CEP128: variants seen among roughly 807,000 people sequenced by gnomAD.
The protein encoded by CEP128 is centrosomal protein 128kDa.
Under a neutral mutation model 156.7 loss-of-function variants are expected in CEP128, and 132 were observed. The ratio of observed to expected loss-of-function variants is 0.84; its 90% confidence interval spans 0.73 to 0.97. The LOEUF (loss-of-function observed/expected upper bound fraction) is 0.97, where lower values mean the gene tolerates loss of function less well. Among genes scored for constraint, CEP128 ranks in the 50% least tolerant of loss-of-function variants. The pLI is 0.00. For missense variants in CEP128, 1,252 were observed against 1,281.9 expected (o/e 0.98, Z 0.36); for synonymous variants, 469 against 448.9 (o/e 1.04, Z -0.57).
chr14:80,913,544 AT>A, intron 4 of CEP128, among the ~76,000 whole-genome samples: 1 of 152,212 alleles, frequency 6.6e-6, no homozygotes, highest in Non-Finnish European at 1.5e-5. Flanking sequence ...ATTGGAGGCC[AT>A]TATCCTAAGT....
chr14:80,897,846 C>T (rs886861903), intron 7 of CEP128, among the ~76,000 whole-genome samples: 4 of 152,130 alleles, frequency 2.6e-5, no homozygotes, highest in African/African-American at 4.8e-5. Context: ...TGGCTCATCT[C>T]AGCTCAATGC....
chr14:80,601,048 A>G (rs1162941131), intron 19 of CEP128, among the ~76,000 whole-genome samples: 1 of 152,120 alleles, frequency 6.6e-6, no homozygotes, highest in Non-Finnish European at 1.5e-5. Context: ...ATCCTAGGGC[A>G]ATCATTAAGA....
chr14:80,834,370 A>AT (rs1418808502), intron 12 of CEP128, among the ~76,000 whole-genome samples: 2 of 152,214 alleles, frequency 1.3e-5, no homozygotes, highest in African/African-American at 4.8e-5. Context: ...AATTGACAGA[A>AT]TTGCTAGCAA....
At chr14:80,857,300 AC>A in intron 9 of CEP128, among the ~76,000 whole-genome samples, 1 of 149,284 alleles carries the variant, frequency 6.7e-6, no homozygotes, top group Non-Finnish European at 1.5e-5. Flanking sequence ...TACCAAGCCT[AC>A]CCCCACTCCA....
chr14:80,662,389 C>T (rs116006675), intron 19 of CEP128, among the ~76,000 whole-genome samples: 4,179 of 152,156 alleles, frequency 0.027, 204 homozygotes, highest in African/African-American at 0.095. Context: ...ATTTACTATC[C>T]TTCTTAATTA....
chr14:80,722,528 A>G (rs1897856689), intron 19 of CEP128, among the ~76,000 whole-genome samples: 1 of 151,352 alleles, frequency 6.6e-6, no homozygotes, highest in Non-Finnish European at 1.5e-5. Flanking sequence ...ACATATAAGT[A>G]TATATAATAT....
rs1341704015 is a variant in CEP128 at position 80,763,933 on chromosome 14, GA to G, written c.2377-2321del. Among the ~76,000 whole-genome samples the G allele has an allele frequency of 3.3e-5, 5 of 152,188 alleles. 1 individual carries two copies. Among genetic ancestry groups the G allele is most frequent in the African/African-American group, 1.2e-4 (5 of 41,532 alleles). On this transcript the variant is annotated intron_variant, in intron 16 of 24. Transcript: ENST00000555265. ...ATTTTCATGGTCTGATAGTAATAAA[GA>G]AAATAAATACCCTATCAGAGACTAC...
chr14:80,667,215 T>C (rs565967783), intron 19 of CEP128, among the ~76,000 whole-genome samples: 22 of 152,224 alleles, frequency 1.4e-4, no homozygotes, highest in Non-Finnish European at 2.8e-4. Context: ...GGTACAGACA[T>C]TAGAAGGCAG....
chr14:80,801,665 T>C (rs1178034983), intron 13 of CEP128, among the ~76,000 whole-genome samples: 1 of 151,864 alleles, frequency 6.6e-6, no homozygotes, highest in Non-Finnish European at 1.5e-5. Flanking sequence ...TTCCAGGACT[T>C]TAGGAGGTCG....
At chr14:80,733,339 C>CGTGTGTGTGTGTGTGTGTGT (rs55964142) in intron 19 of CEP128, among the ~76,000 whole-genome samples, 27 of 140,240 alleles carry the variant, frequency 1.9e-4, no homozygotes, top group African/African-American at 7.0e-4. Context: ...CCACATGGGT[C>CGTGTGTGTGTGTGTGTGTGT]GTGTGTGTGT....
intron 19 of CEP128, among the ~76,000 whole-genome samples, chr14:80,585,944 A>C (rs1415452095): frequency 2.0e-5 from 3 of 152,300 alleles, no homozygotes; most frequent in African/African-American, 7.2e-5. Context: ...TGAGCCTATA[A>C]ATGATGGACT....
chr14:80,864,318 T>C (rs1887664444), intron 8 of CEP128, among the ~76,000 whole-genome samples: 1 of 152,204 alleles, frequency 6.6e-6, no homozygotes, highest in African/African-American at 2.4e-5. Flanking sequence ...AATAGCTTGC[T>C]ATCTATTGAA....
Position 80,793,048 on chromosome 14 carries a change from C to A in CEP128, c.1272G>T (p.Lys424Asn). ...ATGTGTCAAAGTGATTCTGGATCTC[C>A]TTAAGTCGATCCAACATCTGCAGTT... The part of the protein sequence containing the change: ...KQQLQMLDRL[K>N]EIQNHFDTCE... Residue 424 changes from lysine to asparagine, a missense_variant, in exon 14 of 25, where the codon AAG becomes AAT. Coordinates refer to ENST00000555265, the MANE Select transcript of CEP128 (RefSeq NM_152446.5). The A allele has an allele frequency of 1.2e-6, 2 of 1,614,164 alleles. No individual in the cohort carries two copies. The highest frequency in any genetic ancestry group is 1.7e-6 in the Non-Finnish European group (2 of 1,180,010).
chr14:80,920,742 T>C (rs1050116136), intron 2 of CEP128, among the ~76,000 whole-genome samples: 1 of 152,242 alleles, frequency 6.6e-6, no homozygotes, highest in East Asian at 1.9e-4. Context: ...GACGCTTTTC[T>C]AGACTATGTA....
At chr14:80,478,443 G>C (rs1041181507) in intron 14 of CEP128, 1 of 152,104 alleles carries the variant, frequency 6.6e-6, no homozygotes, top group African/African-American at 2.4e-5. Context: ...TGGTGTCATT[G>C]ATTCTTTAAA....
At chr14:80,736,099 T>C (rs1377849749) in intron 19 of CEP128, among the ~76,000 whole-genome samples, 1 of 152,140 alleles carries the variant, frequency 6.6e-6, no homozygotes, top group African/African-American at 2.4e-5. Context: ...GCATTATCAT[T>C]TTGTATGCAA....
At position 80,496,637 on chromosome 14, in the gene CEP128, G is replaced by A. The variant is rs1002033253; in HGVS notation, c.*842C>T. The A allele has an allele frequency of 6.6e-6, 1 of 152,302 alleles. No homozygotes were observed. Among genetic ancestry groups the A allele is most frequent in the Admixed American group, 6.6e-5 (1 of 15,252 alleles). The allele number at this position is 152,302 out of a possible 1,614,324, so 9.4% of individuals were successfully genotyped here. On this transcript the variant is annotated 3_prime_UTR_variant, in exon 25 of 25. Transcript: ENST00000555265. ...AAGGGAATACGTTCTTAGACACTTTGATGAAAAAAGTTGGGATGGTAGAAG... is the reference window on the plus strand; with the variant it reads ...AAGGGAATACGTTCTTAGACACTTTAATGAAAAAAGTTGGGATGGTAGAAG...
In CEP128 at chr14:80,647,106, TACAC is replaced by T. The variant is rs764189879; in HGVS notation, c.2807-66687_2807-66684del. Among the ~76,000 whole-genome samples, 22 of 74,416 alleles carry T rather than the reference TACAC, an allele frequency of 3.0e-4. 3 individuals are homozygous for T. Among genetic ancestry groups the T allele is most frequent in the East Asian group, 2.8e-3 (6 of 2,130 alleles). The allele number at this position is 74,416 out of a possible 152,430, so 48.8% of individuals were successfully genotyped here. ...ATATATACACCCTTATAAATACACA[TACAC>T]ACACACACACACACATACACACACA... On this transcript the variant is annotated intron_variant, in intron 19 of 24. Coordinates refer to ENST00000555265, the MANE Select transcript of CEP128 (RefSeq NM_152446.5).
chr14:80,480,393 C>A (rs1035903896), intron 14 of CEP128, among the ~76,000 whole-genome samples: 1 of 152,138 alleles, frequency 6.6e-6, no homozygotes, highest in Non-Finnish European at 1.5e-5. Context: ...TGGAAGCTGC[C>A]AAGGCTTGGG....
Sources: gnomAD v4.1 joint callset for allele counts (sites outside exome capture counted in the v4.1 genomes callset) on GRCh38, gnomAD v4.1.1 for gene constraint, MANE v1.5 for transcripts, NCBI Gene and HGNC (gene_info 2026-07-23, HGNC 2026-07-21) for gene names.